Variants in COG6 observed in about 807,000 individuals in gnomAD.
COG6 encodes conserved oligomeric Golgi complex subunit 6.
In COG6, 74 loss-of-function variants were observed where a neutral mutation model predicts 88.8. That is an observed-to-expected ratio of 0.83 (90% CI 0.69 to 1.01). The LOEUF is 1.01. Among genes scored for constraint, COG6 ranks in the 50% least tolerant of loss-of-function variants. The pLI, the probability that COG6 is intolerant of heterozygous loss-of-function variation, is 0.00. For missense variants in COG6, 800 were observed against 797.9 expected, an observed-to-expected ratio of 1.00 and a Z score of -0.03; for synonymous variants, 286 against 278.7, an observed-to-expected ratio of 1.03 and a Z score of -0.26.
At position 39,724,901 on chromosome 13, in the gene COG6, C is replaced by G. The variant is rs571994313; in HGVS notation, c.1746+340C>G. 2.0e-3 allele frequency among the ~76,000 whole-genome samples: 306 copies of G among 152,038 alleles called. 1 individual carries two copies. Among genetic ancestry groups the G allele is most frequent in the Non-Finnish European group, 4.0e-3 (271 of 67,840 alleles). ...GCTGTATATCATTATAAACTTATTA[C>G]TACCTTGATCCTTCGTTTAAAGTTC... On this transcript the variant is annotated intron_variant, in intron 17 of 18. Coordinates refer to ENST00000455146, the MANE Select transcript of COG6 (RefSeq NM_020751.3).
Position 39,694,678 on chromosome 13 carries a change from A to G in COG6, c.1119A>G (p.Leu373=), listed in dbSNP as rs1270359329. The part of the protein sequence containing the change: ...QVIVAEPGAV[L]LYKISNLLKF... ...TAGTTGCTGAACCTGGGGCAGTTTTATTATATAAAATTTCTAATCTCCTCA... is the reference window on the plus strand; with the variant it reads ...TAGTTGCTGAACCTGGGGCAGTTTTGTTATATAAAATTTCTAATCTCCTCA... Residue 373 remains leucine, a synonymous_variant, in exon 12 of 19, where the codon TTA becomes TTG. Coordinates refer to ENST00000455146, the MANE Select transcript of COG6 (RefSeq NM_020751.3). 6.2e-7 allele frequency: 1 copy of G among 1,601,692 alleles called. No individual in the cohort carries two copies. The highest frequency in any genetic ancestry group is 1.7e-5 in the Admixed American group (1 of 59,498).
chr13:39,750,460 G>T (rs548415628), intron 18 of COG6, among the ~76,000 whole-genome samples: 2 of 152,280 alleles, frequency 1.3e-5, no homozygotes, highest in African/African-American at 4.8e-5. Context: ...GAGAGATGAA[G>T]AGAAAGCTAG....
chr13:39,708,969 C>A (rs1343507438), intron 13 of COG6, among the ~76,000 whole-genome samples: 1 of 152,040 alleles, frequency 6.6e-6, no homozygotes, highest in Non-Finnish European at 1.5e-5. Context: ...GGATACTTAT[C>A]TCGGGTGAGC....
chr13:39,714,854 T>C (rs1012558167), intron 13 of COG6, among the ~76,000 whole-genome samples: 2 of 152,168 alleles, frequency 1.3e-5, no homozygotes, highest in African/African-American at 4.8e-5. Context: ...TGTAAAGATA[T>C]GGAACCAGCC....
chr13:39,687,703 A>G lies in COG6; in HGVS notation c.918-5A>G. On this transcript the variant is annotated splice_region_variant and splice_polypyrimidine_tract_variant and intron_variant, in intron 9 of 18. Transcript: ENST00000455146. ...AAATCTTCATTAACATTTAGTTTTCATTAGGTATGTAGGAGATATGTTGGC... is the reference window on the plus strand; with the variant it reads ...AAATCTTCATTAACATTTAGTTTTCGTTAGGTATGTAGGAGATATGTTGGC... 3.7e-6 allele frequency: 6 copies of G among 1,614,022 alleles called. No homozygotes were observed. The highest frequency in any genetic ancestry group is 1.7e-5 in the Admixed American group (1 of 60,020).
intron 18 of COG6, among the ~76,000 whole-genome samples, chr13:39,772,895 C>T (rs766880420): frequency 8.5e-5 from 13 of 152,240 alleles, no homozygotes; most frequent in Non-Finnish European, 1.6e-4. Context: ...GACCTGCCCT[C>T]CTGCCACTGT....
intron 13 of COG6, among the ~76,000 whole-genome samples, chr13:39,709,562 C>T (rs1593441607): frequency 6.6e-6 from 1 of 151,680 alleles, no homozygotes; most frequent in African/African-American, 2.4e-5. Context: ...GTTTATTTCA[C>T]CTAAGATTAT....
intron 18 of COG6, among the ~76,000 whole-genome samples, chr13:39,785,783 G>A (rs1278538604): frequency 1.3e-5 from 2 of 152,114 alleles, no homozygotes; most frequent in East Asian, 1.9e-4. Context: ...AGTTTATCTT[G>A]TATTTAAACT....
At chr13:39,731,144 T>C (rs554378843) in intron 18 of COG6, among the ~76,000 whole-genome samples, 128 of 152,208 alleles carry the variant, frequency 8.4e-4, no homozygotes, top group African/African-American at 2.9e-3. Flanking sequence ...TAAATTGCGC[T>C]CCTACTATCT....
At chr13:39,716,785 C>T (rs1314454107) in intron 13 of COG6, among the ~76,000 whole-genome samples, 1 of 152,182 alleles carries the variant, frequency 6.6e-6, no homozygotes, top group Non-Finnish European at 1.5e-5. Flanking sequence ...TCTCCTCTTC[C>T]TTTATGCCGT....
intron 5 of COG6, chr13:39,677,994 C>A: frequency 2.5e-6 from 1 of 407,206 alleles, no homozygotes; most frequent in Non-Finnish European, 4.8e-6. Context: ...CCTCCCCCAA[C>A]ACAGATAGTA....
At chr13:39,714,986 T>TA in intron 13 of COG6, among the ~76,000 whole-genome samples, 1 of 152,180 alleles carries the variant, frequency 6.6e-6, no homozygotes, top group Admixed American at 6.5e-5. Context: ...TTCTTACTTG[T>TA]AAGTGGGAGC....
intron 18 of COG6, 151 bp downstream of exon 18, chr13:39,727,699 A>C (rs1397297099): frequency 1.4e-6 from 1 of 705,582 alleles, no homozygotes; most frequent in South Asian, 1.6e-5. Flanking sequence ...TGGCATGCCA[A>C]AGGATGAGAT....
chr13:39,752,929 G>A (rs1339014697), downstream of COG6, among the ~76,000 whole-genome samples: 1 of 152,184 alleles, frequency 6.6e-6, no homozygotes, highest in African/African-American at 2.4e-5. Context: ...TTTCAGAGAG[G>A]AAAGGTGTTT....
chr13:39,751,009 C>T lies in COG6; in HGVS notation c.1890C>T (p.Ala630=), dbSNP rs148122723. 9 of 1,613,530 alleles carry T rather than the reference C, an allele frequency of 5.6e-6. No individual in the cohort carries two copies. Among genetic ancestry groups the T allele is most frequent in the South Asian group, 5.5e-5 (5 of 91,068 alleles). Residue 630 remains alanine, a synonymous_variant, in exon 19 of 19, where the codon GCC becomes GCT. Coordinates refer to ENST00000455146, the MANE Select transcript of COG6 (RefSeq NM_020751.3). ...GAGCCTATGGTGAAGTGTATGCAGCCGTGATGAATCCAATCAATGAATACA... is the reference window on the plus strand; with the variant it reads ...GAGCCTATGGTGAAGTGTATGCAGCTGTGATGAATCCAATCAATGAATACA... The part of the protein sequence containing the change: ...VCRAYGEVYA[A]VMNPINEYKD...
intron 13 of COG6, among the ~76,000 whole-genome samples, chr13:39,703,564 T>G (rs1265633977): frequency 1.3e-5 from 2 of 152,196 alleles, no homozygotes; most frequent in Non-Finnish European, 2.9e-5. Context: ...TTTAATTTTT[T>G]TATAGTTCAA....
chr13:39,683,747 TAA>T (rs5803004), intron 8 of COG6, among the ~76,000 whole-genome samples: 1 of 148,560 alleles, frequency 6.7e-6, no homozygotes, highest in South Asian at 2.1e-4. Flanking sequence ...TTTTATGTAT[TAA>T]AAAAAAAAAG....
intron 18 of COG6, among the ~76,000 whole-genome samples, chr13:39,784,488 C>G (rs1433889947): frequency 2.0e-5 from 3 of 152,180 alleles, no homozygotes; most frequent in African/African-American, 7.2e-5. Flanking sequence ...GTCAACAAGA[C>G]CTGAAGTTCA....
At chr13:39,693,777 A>C (rs907444891) in intron 11 of COG6, among the ~76,000 whole-genome samples, 2 of 151,938 alleles carry the variant, frequency 1.3e-5, no homozygotes, top group African/African-American at 4.8e-5. Flanking sequence ...GCCAAAATCT[A>C]AATACAGAGA....
Sources: allele counts gnomAD v4.1 joint callset (sites outside exome capture counted in the v4.1 genomes callset), GRCh38; gene constraint gnomAD v4.1.1; transcripts MANE v1.5; gene names NCBI Gene and HGNC (gene_info 2026-07-23, HGNC 2026-07-21).